Variants in SHISAL1 observed in about 807,000 individuals in gnomAD.
SHISAL1 encodes shisa like 1.
Under a neutral mutation model 22.6 loss-of-function variants are expected in SHISAL1, and 9 were observed. The observed-to-expected ratio is 0.40, with a 90% confidence interval of 0.24 to 0.70. The LOEUF is 0.70. SHISAL1 is among the 30% of genes least tolerant of loss of function. The pLI, the probability that SHISAL1 is intolerant of heterozygous loss-of-function variation, is 0.39. For missense variants in SHISAL1, 246 were observed against 270.6 expected, an observed-to-expected ratio of 0.91 and a Z score of 0.64; for synonymous variants, 119 against 115.4, an observed-to-expected ratio of 1.03 and a Z score of -0.20.
chr22:44,274,034 A>T (rs898447737), intron 4 of SHISAL1, among the ~76,000 whole-genome samples: 1 of 152,080 alleles, frequency 6.6e-6, no homozygotes, highest in Non-Finnish European at 1.5e-5. Flanking sequence ...CCTGGCTGAC[A>T]TAGTGAACCT....
intron 1 of SHISAL1, among the ~76,000 whole-genome samples, chr22:44,303,943 C>T (rs56246125): frequency 0.16 from 24,920 of 152,188 alleles, 2,317 homozygotes; most frequent in Middle Eastern, 0.21. Context: ...TGAGGCCCTC[C>T]GCCCCCCAGG....
chr22:44,263,763 A>G (rs558342550), intron 4 of SHISAL1, among the ~76,000 whole-genome samples: 1 of 152,166 alleles, frequency 6.6e-6, no homozygotes, highest in South Asian at 2.1e-4. Context: ...AGACAAGGAA[A>G]CAGACTCACC....
At position 44,245,872 on chromosome 22, in the gene SHISAL1, TGAGGG is replaced by T. The variant is rs1401255809; in HGVS notation, c.*3808_*3812del. ...AAATTTGACTGAATCTTTCTGATGA[TGAGGG>T]GAGATGCCACTCACCCTGGGAACAC... On this transcript the variant is annotated 3_prime_UTR_variant, in exon 5 of 5. Transcript: ENST00000381176. 2 of 152,258 alleles carry T rather than the reference TGAGGG, an allele frequency of 1.3e-5. No homozygotes were observed. The highest frequency in any genetic ancestry group is 2.9e-5 in the Non-Finnish European group (2 of 68,066). The allele number at this position is 152,258 out of a possible 1,614,324, so 9.4% of individuals were successfully genotyped here. A position where few individuals can be genotyped will look rare whatever the true frequency, so the allele number is the denominator to read the frequency against.
intron 4 of SHISAL1, among the ~76,000 whole-genome samples, chr22:44,276,679 C>T (rs997733191): frequency 5.9e-5 from 9 of 151,996 alleles, no homozygotes; most frequent in Admixed American, 1.3e-4. Flanking sequence ...GTGGATGTGC[C>T]GGTCCCCCAC....
the SHISAL1 span, among the ~76,000 whole-genome samples, chr22:44,321,678 G>A: frequency 6.6e-6 from 1 of 152,160 alleles, no homozygotes; most frequent in Non-Finnish European, 1.5e-5. Context: ...GCCCATGCCT[G>A]CCTGGCACCC....
chr22:44,317,152 TG>T (rs2055562928), upstream of SHISAL1, among the ~76,000 whole-genome samples: 1 of 152,128 alleles, frequency 6.6e-6, no homozygotes, highest in Non-Finnish European at 1.5e-5. Context: ...GTTCCACTTC[TG>T]GGGGTTAATG....
In SHISAL1 at chr22:44,244,489, A is replaced by C. The variant is rs1244233868; in HGVS notation, c.*5196T>G. 6.6e-6 allele frequency: 1 copy of C among 152,178 alleles called. No homozygotes were observed. Among genetic ancestry groups the C allele is most frequent in the Admixed American group, 6.5e-5 (1 of 15,282 alleles). The allele number at this position is 152,178 out of a possible 1,614,324, so 9.4% of individuals were successfully genotyped here. A position where few individuals can be genotyped will look rare whatever the true frequency, so the allele number is the denominator to read the frequency against. ...GTCAGGGCTTTGATGTAAAGATAGG[A>C]GTTTTAGGTACAGAGTAACTAACAG... On this transcript the variant is annotated 3_prime_UTR_variant, in exon 5 of 5. Transcript: ENST00000381176.
intron 4 of SHISAL1, among the ~76,000 whole-genome samples, chr22:44,281,963 T>G (rs1475466937): frequency 6.6e-6 from 1 of 152,168 alleles, no homozygotes; most frequent in Non-Finnish European, 1.5e-5. Flanking sequence ...GCACTTGGAT[T>G]TTGCCCAGCC....
At chr22:44,285,138 A>G (rs1398252533) in intron 4 of SHISAL1, among the ~76,000 whole-genome samples, 4 of 152,204 alleles carry the variant, frequency 2.6e-5, no homozygotes, top group African/African-American at 9.7e-5. Context: ...AGGTAACCCA[A>G]AACTCCACTA....
At chr22:44,289,495 T>TG (rs369474296) in intron 3 of SHISAL1, among the ~76,000 whole-genome samples, 29,207 of 149,508 alleles carry the variant, frequency 0.2, 3,107 homozygotes, top group East Asian at 0.28. Context: ...TGTGTGTGTG[T>TG]TTACTGCCGG....
the SHISAL1 span, among the ~76,000 whole-genome samples, chr22:44,324,306 C>T: frequency 6.6e-6 from 1 of 152,190 alleles, no homozygotes; most frequent in African/African-American, 2.4e-5. Flanking sequence ...CTCCCCCCTG[C>T]CTGGTCTGCA....
chr22:44,327,019 C>A, the SHISAL1 span, among the ~76,000 whole-genome samples: 12 of 152,112 alleles, frequency 7.9e-5, no homozygotes, highest in Non-Finnish European at 1.5e-4. Flanking sequence ...CTCAAGAATC[C>A]CCAGTTCACT....
chr22:44,261,077 T>TTA (rs56290835), intron 4 of SHISAL1, among the ~76,000 whole-genome samples: 29,109 of 108,494 alleles, frequency 0.27, 5,292 homozygotes, highest in East Asian at 0.39. Flanking sequence ...CTTCATTACT[T>TTA]TATATATATA....
intron 1 of SHISAL1, among the ~76,000 whole-genome samples, chr22:44,308,771 C>T (rs1483724650): frequency 2.0e-5 from 3 of 151,226 alleles, no homozygotes; most frequent in East Asian, 1.9e-4. Flanking sequence ...CATGGGCTGC[C>T]GAGGGTGGCA....
At chr22:44,324,086 G>A in the SHISAL1 span, among the ~76,000 whole-genome samples, 2 of 152,152 alleles carry the variant, frequency 1.3e-5, no homozygotes, top group South Asian at 4.1e-4. Flanking sequence ...AGAGCTTAGG[G>A]GTAAAACATA....
intron 4 of SHISAL1, among the ~76,000 whole-genome samples, chr22:44,262,433 G>A (rs2147273852): frequency 6.6e-6 from 1 of 152,350 alleles, no homozygotes; most frequent in East Asian, 1.9e-4. Flanking sequence ...CAAGATTAGG[G>A]CTGCAGGGTA....
intron 4 of SHISAL1, among the ~76,000 whole-genome samples, chr22:44,252,853 G>A (rs1220838010): frequency 6.6e-6 from 1 of 151,822 alleles, no homozygotes; most frequent in African/African-American, 2.4e-5. Context: ...AAATTATCCG[G>A]GCGTGGTGGT....
chr22:44,273,415 A>T (rs1169334168), intron 4 of SHISAL1, among the ~76,000 whole-genome samples: 1 of 152,238 alleles, frequency 6.6e-6, no homozygotes, highest in Non-Finnish European at 1.5e-5. Context: ...GATGATGGTA[A>T]ATGTAGCAAA....
intron 3 of SHISAL1, among the ~76,000 whole-genome samples, chr22:44,289,466 ATGTGTGTGTGTGTG>A (rs35632126): frequency 8.3e-6 from 1 of 120,922 alleles, no homozygotes; most frequent in African/African-American, 3.6e-5. Flanking sequence ...GTCATTGTAA[ATGTGTGTGTGTGTG>A]TGTGTGTGTG....
Sources: allele counts gnomAD v4.1 joint callset (sites outside exome capture counted in the v4.1 genomes callset), GRCh38; gene constraint gnomAD v4.1.1; transcripts MANE v1.5; gene names NCBI Gene and HGNC (gene_info 2026-07-23, HGNC 2026-07-21).